TEX11: variants seen among roughly 807,000 people sequenced by gnomAD.
TEX11 encodes the protein testis-expressed protein 11.
Under a neutral mutation model 84.4 loss-of-function variants are expected in TEX11, and 7 were observed. The ratio of observed to expected loss-of-function variants is 0.08; its 90% CI spans 0.05 to 0.16. The LOEUF (loss-of-function observed/expected upper bound fraction) is 0.16. Among genes scored for constraint, TEX11 ranks in the 10% least tolerant of loss-of-function variants. TEX11 has a pLI of 1.00. For synonymous variants in TEX11, 264 were observed against 222.8 expected (o/e 1.18, Z -1.64); for missense variants, 551 against 660.5 (o/e 0.83, Z 1.82).
chrX:70,713,568 T>C (rs1393351196), intron 13 of TEX11, among the ~76,000 whole-genome samples: 1 of 112,097 alleles, frequency 8.9e-6, no homozygotes, highest in Non-Finnish European at 1.9e-5. Flanking sequence ...GATTTTCTAG[T>C]TTGTTTGTGT....
intron 2 of TEX11, chrX:70,897,639 G>A (rs1450989375): frequency 2.1e-4 from 18 of 84,604 alleles, no homozygotes; most frequent in Non-Finnish European, 4.0e-4. Flanking sequence ...AAGGAAGGAA[G>A]GAAGGAAGGA....
At chrX:70,847,307 T>C (rs2091484991) in intron 7 of TEX11, among the ~76,000 whole-genome samples, 1 of 111,256 alleles carries the variant, frequency 9.0e-6, no homozygotes, top group Admixed American at 9.7e-5. Context: ...ATTATAGCAA[T>C]ACAAAACGAA....
intron 9 of TEX11, among the ~76,000 whole-genome samples, chrX:70,746,726 G>C (rs759627342): frequency 8.9e-6 from 1 of 112,165 alleles, no homozygotes; most frequent in South Asian, 3.7e-4. Flanking sequence ...AATTAAGAGG[G>C]AGCTGGTAGC....
intron 29 of TEX11, 29 bp downstream of exon 29, chrX:70,529,806 T>C (rs1203874978): frequency 5.9e-6 from 7 of 1,181,118 alleles, no homozygotes; most frequent in Non-Finnish European, 8.0e-6. Flanking sequence ...CTAGGTCATG[T>C]CATCTGCCCT....
chrX:70,678,517 CTT>C (rs2090095011), intron 15 of TEX11, among the ~76,000 whole-genome samples: 1 of 109,546 alleles, frequency 9.1e-6, no homozygotes, highest in South Asian at 4.0e-4. Flanking sequence ...GAATAAAACT[CTT>C]TCTCAGCCCT....
chrX:70,841,141 C>A (rs1486042415), intron 7 of TEX11, among the ~76,000 whole-genome samples: 1 of 111,158 alleles, frequency 9.0e-6, no homozygotes, highest in African/African-American at 3.3e-5. Context: ...TAATAGACAT[C>A]TACAGAACTC....
chrX:70,663,828 G>A (rs1031217826), intron 16 of TEX11, among the ~76,000 whole-genome samples: 2 of 111,636 alleles, frequency 1.8e-5, no homozygotes, highest in Non-Finnish European at 3.8e-5. Context: ...GTCAAGGGCT[G>A]TCTATACAGT....
At position 70,552,022 on chromosome X, in the gene TEX11, C is replaced by A. The variant is rs1603053173; in HGVS notation, c.2520+104G>T. 3.3e-6 allele frequency: 3 copies of A among 900,366 alleles called. No homozygotes were observed. In the East Asian group the frequency reaches 1.1e-4, roughly 34 times the overall value. 74.2% of individuals were successfully genotyped at this position (900,366 alleles called of 1,213,427 possible). A position where few individuals can be genotyped will look rare whatever the true frequency, so the allele number is the denominator to read the frequency against. ...CTACAAAATTGTAATATGAATTTATCCTAAAACTCATATCAGAAAGCATTA... is the reference window on the plus strand; with the variant it reads ...CTACAAAATTGTAATATGAATTTATACTAAAACTCATATCAGAAAGCATTA... On this transcript the variant is annotated intron_variant, in intron 28 of 29. Coordinates refer to ENST00000374333, the MANE Select transcript of TEX11 (RefSeq NM_031276.3).
intron 17 of TEX11, among the ~76,000 whole-genome samples, chrX:70,638,354 G>GA (rs1196811431): frequency 1.8e-5 from 2 of 111,609 alleles, no homozygotes; most frequent in African/African-American, 6.5e-5. Flanking sequence ...GTGCCGAAGA[G>GA]AAAAAACCCT....
At chrX:70,705,253 G>T (rs945943740) in intron 13 of TEX11, among the ~76,000 whole-genome samples, 1 of 111,393 alleles carries the variant, frequency 9.0e-6, no homozygotes, top group African/African-American at 3.3e-5. Context: ...TTGTTCTTTT[G>T]GCTTAGGATT....
chrX:70,888,732 T>C (rs1248489506), intron 2 of TEX11, among the ~76,000 whole-genome samples: 1 of 111,444 alleles, frequency 9.0e-6, no homozygotes, highest in Non-Finnish European at 1.9e-5. Flanking sequence ...AAAAAGGTTA[T>C]AGAACACCAA....
intron 25 of TEX11, among the ~76,000 whole-genome samples, chrX:70,589,620 T>G (rs916163394): frequency 1.4e-4 from 16 of 111,455 alleles, no homozygotes; most frequent in African/African-American, 5.2e-4. Flanking sequence ...CCTGCGGGGT[T>G]CAAGCGATTC....
At chrX:70,589,733 G>C (rs1481879173) in intron 25 of TEX11, among the ~76,000 whole-genome samples, 2 of 111,036 alleles carry the variant, frequency 1.8e-5, no homozygotes, top group Non-Finnish European at 3.8e-5. Flanking sequence ...ATGTTGGCAG[G>C]GTGGTCTCGA....
Position 70,733,265 on chromosome X carries a change from C to G in TEX11, c.843+7436G>C, listed in dbSNP as rs746981018. ...GGGCAAGGACTTCATGTCTAAAACA[C>G]CAAAAGCAATGGCAACAAAAGACAA... On this transcript the variant is annotated intron_variant, in intron 11 of 29. Coordinates refer to ENST00000374333, the MANE Select transcript of TEX11 (RefSeq NM_031276.3). Among the ~76,000 whole-genome samples, 609 of 111,667 alleles carry G rather than the reference C, an allele frequency of 5.5e-3. 2 individuals carry two copies. The highest frequency in any genetic ancestry group is 0.018 in the African/African-American group (558 of 30,750).
chrX:70,612,204 C>T (rs982364118), intron 20 of TEX11, among the ~76,000 whole-genome samples: 1 of 110,464 alleles, frequency 9.1e-6, no homozygotes, highest in African/African-American at 3.3e-5. Context: ...TACTAAAGGC[C>T]TATTTATTAG....
chrX:70,613,193 A>T (rs2089280997), intron 20 of TEX11, among the ~76,000 whole-genome samples: 1 of 111,717 alleles, frequency 9.0e-6, no homozygotes, highest in African/African-American at 3.3e-5. Context: ...ACCAAATTTA[A>T]CCACTGTCTA....
intron 20 of TEX11, among the ~76,000 whole-genome samples, chrX:70,618,728 A>G (rs1193156303): frequency 8.9e-6 from 1 of 112,023 alleles, no homozygotes; most frequent in African/African-American, 3.2e-5. Flanking sequence ...TAATAAAAGA[A>G]CTGGAACAGA....
At chrX:70,824,357 T>A (rs1427300192) in intron 8 of TEX11, among the ~76,000 whole-genome samples, 2 of 112,294 alleles carry the variant, frequency 1.8e-5, no homozygotes, top group Non-Finnish European at 3.8e-5. Context: ...AGTGCAAATA[T>A]TCAATTTTGG....
At chrX:70,539,384 T>A (rs1000963944) in intron 28 of TEX11, among the ~76,000 whole-genome samples, 2 of 110,513 alleles carry the variant, frequency 1.8e-5, no homozygotes, top group African/African-American at 6.6e-5. Context: ...GGCCTAAGAT[T>A]CCATGCTTCT....
Sources: allele counts gnomAD v4.1 joint callset (sites outside exome capture counted in the v4.1 genomes callset), GRCh38; gene constraint gnomAD v4.1.1; transcripts MANE v1.5; gene names NCBI Gene and HGNC (gene_info 2026-07-23, HGNC 2026-07-21).